Variants in SH3TC2 observed in about 807,000 individuals in gnomAD.
SH3TC2 encodes the protein SH3 domain and tetratricopeptide repeat-containing protein 2.
Under a neutral mutation model 124.5 loss-of-function variants are expected in SH3TC2, and 87 were observed. The ratio of observed to expected loss-of-function variants is 0.70; its 90% CI spans 0.59 to 0.84. The LOEUF (loss-of-function observed/expected upper bound fraction) is 0.84, where lower values mean the gene tolerates loss of function less well. SH3TC2 is among the 40% of genes least tolerant of loss of function. The probability of loss-of-function intolerance (pLI) is 0.00; values close to 1 mark genes in which losing one functional copy is unlikely to be tolerated. For synonymous variants in SH3TC2, 634 were observed against 628.5 expected (o/e 1.01, Z -0.13); for missense variants, 1,536 against 1,566.4 (o/e 0.98, Z 0.33).
chr5:149,045,319 C>G (rs1754440390), intron 3 of SH3TC2: 1 of 152,202 alleles, frequency 6.6e-6, no homozygotes, highest in South Asian at 2.1e-4. Flanking sequence ...AAGTTTACAC[C>G]ATTCTTAATG....
At chr5:149,044,684 C>T (rs1227992977) in intron 3 of SH3TC2, 46 bp from the exon 4 acceptor site, 15 of 1,463,852 alleles carry the variant, frequency 1.0e-5, no homozygotes, top group Non-Finnish European at 1.4e-5. Flanking sequence ...CAGAAGTGTC[C>T]CATTAGCAAG....
chr5:149,026,256 C>A (rs114087674), intron 12 of SH3TC2: 261 of 372,592 alleles, frequency 7.0e-4, no homozygotes, highest in African/African-American at 4.9e-3. Flanking sequence ...TGAGACCTAT[C>A]TATGTATCAG....
Position 148,998,257 on chromosome 5 carries a change from C to G in SH3TC2, c.*6454G>C. Reference sequence around the variant, plus strand: ...GTGGGCCACAACAACAACAACATAACAACAAAAAAGGATTTGACAGCCACT... The same window carrying G: ...GTGGGCCACAACAACAACAACATAAGAACAAAAAAGGATTTGACAGCCACT... On this transcript the variant is annotated 3_prime_UTR_variant, in exon 17 of 17. Coordinates refer to ENST00000515425, the MANE Select transcript of SH3TC2 (RefSeq NM_024577.4). 6.6e-6 allele frequency among the ~76,000 whole-genome samples: 1 copy of G among 152,082 alleles called. No individual in the cohort carries two copies. Among genetic ancestry groups the G allele is most frequent in the Middle Eastern group, 3.2e-3 (1 of 316 alleles).
intron 12 of SH3TC2, among the ~76,000 whole-genome samples, chr5:149,013,854 G>A (rs142919223): frequency 4.4e-3 from 663 of 152,296 alleles, no homozygotes; most frequent in Middle Eastern, 0.034. Context: ...CATTTTAAAC[G>A]TGTACACTGC....
At chr5:149,028,587 G>T in intron 10 of SH3TC2, 33 bp from the exon 11 acceptor site, 1 of 1,614,182 alleles carries the variant, frequency 6.2e-7, no homozygotes, top group Non-Finnish European at 8.5e-7. Flanking sequence ...GCAACCTTGG[G>T]CACCTGCACC....
intron 2 of SH3TC2, among the ~76,000 whole-genome samples, chr5:149,050,903 C>A (rs1754544872): frequency 6.6e-6 from 1 of 152,090 alleles, no homozygotes; most frequent in Non-Finnish European, 1.5e-5. Context: ...TGAACAAGGC[C>A]CTTCCTCATC....
rs1043467092 is a variant in SH3TC2 at position 149,003,025 on chromosome 5, T to C, written c.*1686A>G. Reference sequence around the variant, plus strand: ...TCATAGGTGGGGCCACAGATTTTCATTTCAAACAATCTCACAGGTGATGCT... The same window carrying C: ...TCATAGGTGGGGCCACAGATTTTCACTTCAAACAATCTCACAGGTGATGCT... On this transcript the variant is annotated 3_prime_UTR_variant, in exon 17 of 17. Transcript: ENST00000515425. The C allele has an allele frequency of 1.3e-5, 2 of 152,768 alleles. No homozygotes were observed. The highest frequency in any genetic ancestry group is 1.3e-4 in the Admixed American group (2 of 15,290). 9.5% of individuals were successfully genotyped at this position (152,768 alleles called of 1,614,324 possible).
chr5:149,021,291 A>G (rs1753964425), intron 12 of SH3TC2, among the ~76,000 whole-genome samples: 1 of 152,180 alleles, frequency 6.6e-6, no homozygotes, highest in Admixed American at 6.5e-5. Context: ...CACAATACTC[A>G]GAGGAACATT....
chr5:149,043,218 C>A (rs1261246718), intron 4 of SH3TC2, among the ~76,000 whole-genome samples: 1 of 152,148 alleles, frequency 6.6e-6, no homozygotes, highest in Non-Finnish European at 1.5e-5. Flanking sequence ...ACCTGAGGTT[C>A]AAACTACTGT....
At chr5:149,062,690 C>T (rs1308406590) in intron 1 of SH3TC2, among the ~76,000 whole-genome samples, 2 of 152,220 alleles carry the variant, frequency 1.3e-5, no homozygotes, top group African/African-American at 4.8e-5. Flanking sequence ...GGCTTAGTCA[C>T]ACCCTGGGAG....
At chr5:149,009,192 C>G (rs1448361089) in intron 14 of SH3TC2, among the ~76,000 whole-genome samples, 191 bp from the exon 15 acceptor site, 1 of 152,084 alleles carries the variant, frequency 6.6e-6, no homozygotes, top group Non-Finnish European at 1.5e-5. Context: ...GATGTTTTGC[C>G]CAGATCTTAA....
intron 5 of SH3TC2, among the ~76,000 whole-genome samples, chr5:149,041,955 T>C (rs1754378511): frequency 6.6e-6 from 1 of 152,208 alleles, no homozygotes; most frequent in Non-Finnish European, 1.5e-5. Context: ...TGTTGCAACC[T>C]CATGATTAAA....
chr5:149,009,701 A>G (rs1753752235), intron 14 of SH3TC2, among the ~76,000 whole-genome samples: 1 of 152,238 alleles, frequency 6.6e-6, no homozygotes, highest in South Asian at 2.1e-4. Flanking sequence ...TTTTTGACAT[A>G]TCTGCTTAAT....
intron 16 of SH3TC2, chr5:149,006,261 A>G (rs955817090): frequency 1.2e-5 from 2 of 169,398 alleles, no homozygotes; most frequent in Non-Finnish European, 2.6e-5. Context: ...CCTGTCCCAA[A>G]AAAAAAGCAA....
intron 6 of SH3TC2, among the ~76,000 whole-genome samples, 194 bp downstream of exon 6, chr5:149,041,222 C>T (rs768695557): frequency 6.6e-6 from 1 of 152,150 alleles, no homozygotes; most frequent in Non-Finnish European, 1.5e-5. Flanking sequence ...TTAGAGTTGT[C>T]TCCAATTTCA....
rs183531576 is a variant in SH3TC2, at chr5:149,001,676, G to A, written c.*3035C>T. On this transcript the variant is annotated 3_prime_UTR_variant, in exon 17 of 17. Coordinates refer to ENST00000515425, the MANE Select transcript of SH3TC2 (RefSeq NM_024577.4). Reference sequence around the variant, plus strand: ...AGTAATTGCAATTATATAGCACAATGTTTTTCTTATTTTAAAAAAATAGTC... The same window carrying A: ...AGTAATTGCAATTATATAGCACAATATTTTTCTTATTTTAAAAAAATAGTC... 5.6e-4 allele frequency: 86 copies of A among 152,264 alleles called. No homozygotes were observed. Among genetic ancestry groups the A allele is most frequent in the Non-Finnish European group, 8.8e-5 (6 of 68,016 alleles). The allele number at this position is 152,264 out of a possible 1,614,324, so 9.4% of individuals were successfully genotyped here.
At position 149,002,942 on chromosome 5, in the gene SH3TC2, T is replaced by C. The variant is rs1267335104; in HGVS notation, c.*1769A>G. On this transcript the variant is annotated 3_prime_UTR_variant, in exon 17 of 17. Coordinates refer to ENST00000515425, the MANE Select transcript of SH3TC2 (RefSeq NM_024577.4). The stretch of plus-strand genomic sequence containing the variant: ...TCCCATACTTTAGGGTGCATTAAAA[T>C]CACCAGGAAAGCTTGGACGAGTCAG... 1 of 152,890 alleles carries C rather than the reference T, an allele frequency of 6.5e-6. No individual in the cohort carries two copies. The highest frequency in any genetic ancestry group is 1.5e-5 in the Non-Finnish European group (1 of 68,044). The allele number at this position is 152,890 out of a possible 1,614,324, so 9.5% of individuals were successfully genotyped here.
chr5:149,005,420 C>G (rs1023875481), intron 16 of SH3TC2, among the ~76,000 whole-genome samples: 4 of 152,186 alleles, frequency 2.6e-5, no homozygotes, highest in Admixed American at 6.5e-5. Context: ...AAACAGGATC[C>G]AGAGCTATCT....
At chr5:149,050,103 T>C (rs1754531469) in intron 2 of SH3TC2, among the ~76,000 whole-genome samples, 1 of 152,160 alleles carries the variant, frequency 6.6e-6, no homozygotes. Context: ...ACCATGCACA[T>C]GAATCTATGT....
Sources: allele counts gnomAD v4.1 joint callset (sites outside exome capture counted in the v4.1 genomes callset), GRCh38; gene constraint gnomAD v4.1.1; transcripts MANE v1.5; gene names NCBI Gene and HGNC (gene_info 2026-07-23, HGNC 2026-07-21).